Variants in GRIP1 observed in about 807,000 individuals in gnomAD.
GRIP1 encodes glutamate receptor-interacting protein 1.
GRIP1 carries 45 observed loss-of-function variants against 129.9 expected under a neutral mutation model. The observed-to-expected ratio is 0.35, with a 90% confidence interval of 0.27 to 0.44. The LOEUF is 0.44. Among genes scored for constraint, GRIP1 ranks in the 20% least tolerant of loss-of-function variants. The probability of loss-of-function intolerance (pLI) is 1.00; values close to 1 mark genes in which losing one functional copy is unlikely to be tolerated. For missense variants in GRIP1, 1,196 were observed against 1,396.8 expected (o/e 0.86, Z 2.29); for synonymous variants, 530 against 520.8 (o/e 1.02, Z -0.24).
chr12:66,544,077 G>C (rs1436308079), intron 2 of GRIP1, among the ~76,000 whole-genome samples: 1 of 152,090 alleles, frequency 6.6e-6, no homozygotes, highest in Non-Finnish European at 1.5e-5. Context: ...GGTGCTTCCT[G>C]GGCTTCCGGC....
At chr12:66,801,167 C>A (rs2038846757) in intron 1 of GRIP1, among the ~76,000 whole-genome samples, 1 of 151,988 alleles carries the variant, frequency 6.6e-6, no homozygotes, top group African/African-American at 2.4e-5. Context: ...AGGGACAAAG[C>A]CACCTTGTAT....
At chr12:66,468,162 G>A (rs2059338957) in intron 7 of GRIP1, among the ~76,000 whole-genome samples, 1 of 152,150 alleles carries the variant, frequency 6.6e-6, no homozygotes, top group African/African-American at 2.4e-5. Context: ...TCCAGCCAAT[G>A]GGAAGTGAGA....
intron 7 of GRIP1, among the ~76,000 whole-genome samples, chr12:66,493,013 A>ACAAACAAACAAT (rs1315643752): frequency 1.3e-5 from 2 of 151,842 alleles, no homozygotes; most frequent in Non-Finnish European, 2.9e-5. Context: ...CTCAAAACAA[A>ACAAACAAACAAT]CAAACAAACA....
intron 1 of GRIP1, among the ~76,000 whole-genome samples, chr12:66,728,179 C>T (rs1489188525): frequency 6.6e-6 from 1 of 152,174 alleles, no homozygotes; most frequent in African/African-American, 2.4e-5. Context: ...AGCTCATATT[C>T]TACAATCTAT....
intron 1 of GRIP1, among the ~76,000 whole-genome samples, chr12:66,621,333 C>A (rs942129868): frequency 6.6e-6 from 1 of 152,152 alleles, no homozygotes. Flanking sequence ...CTATTCTAGG[C>A]AACTCACATA....
chr12:66,696,199 T>G (rs1222685540), intron 1 of GRIP1, among the ~76,000 whole-genome samples: 1 of 152,072 alleles, frequency 6.6e-6, no homozygotes, highest in South Asian at 2.1e-4. Flanking sequence ...TACTTTCACA[T>G]CTCAAGAATG....
intron 1 of GRIP1, among the ~76,000 whole-genome samples, chr12:66,674,103 C>T (rs1295700499): frequency 6.6e-6 from 1 of 151,974 alleles, no homozygotes; most frequent in African/African-American, 2.4e-5. Flanking sequence ...AGAAGGCCAG[C>T]GAGGGTTAGC....
chr12:66,472,934 T>A (rs2138436024), intron 7 of GRIP1, among the ~76,000 whole-genome samples: 1 of 152,224 alleles, frequency 6.6e-6, no homozygotes, highest in African/African-American at 2.4e-5. Flanking sequence ...ACAGAAGTTT[T>A]TTTTTCATAC....
In GRIP1 at chr12:66,591,243, A is replaced by G. The variant is rs2063837508; in HGVS notation, c.136+5604T>C. ...TTGCAATGCTATCAGTCTTGACTTT[A>G]TAATCATAGAAACTTATCTGTAAAG... On this transcript the variant is annotated intron_variant, in intron 2 of 24. Coordinates refer to ENST00000359742, the MANE Select transcript of GRIP1 (RefSeq NM_001366722.1). 2.0e-5 allele frequency among the ~76,000 whole-genome samples: 3 copies of G among 152,232 alleles called. No individual in the cohort carries two copies. In the South Asian group the frequency reaches 6.2e-4, roughly 31 times the overall value.
In GRIP1 at chr12:66,766,719, A is replaced by G. The variant is rs141277186; in HGVS notation, c.-420+37334T>C. ...GAGCAAAACCTTGACTTAAAGATCA[A>G]CAGTCAGGGCCAAGACTGGCTAATT... On this transcript the variant is annotated intron_variant, in intron 1 of 4. Coordinates refer to the GRIP1 transcript ENST00000538373. Among the ~76,000 whole-genome samples, 319 of 152,320 alleles carry G rather than the reference A, an allele frequency of 2.1e-3. 1 individual carries two copies. The highest frequency in any genetic ancestry group is 7.4e-3 in the African/African-American group (309 of 41,572).
chr12:66,724,592 C>T (rs893810968), intron 1 of GRIP1, among the ~76,000 whole-genome samples: 1 of 152,202 alleles, frequency 6.6e-6, no homozygotes, highest in Non-Finnish European at 1.5e-5. Flanking sequence ...ACTCCAGAGA[C>T]AGTGCTAACA....
At chr12:66,351,907 T>G (rs898646094) in intron 24 of GRIP1, among the ~76,000 whole-genome samples, 1 of 152,160 alleles carries the variant, frequency 6.6e-6, no homozygotes, top group Non-Finnish European at 1.5e-5. Flanking sequence ...TGGGATACAT[T>G]CTCTAGGTGA....
intron 7 of GRIP1, among the ~76,000 whole-genome samples, chr12:66,475,499 T>G (rs1001441838): frequency 6.6e-6 from 1 of 152,048 alleles, no homozygotes; most frequent in African/African-American, 2.4e-5. Context: ...TCTACAGAAC[T>G]CCCCACCCAA....
intron 1 of GRIP1, among the ~76,000 whole-genome samples, chr12:66,728,014 A>G (rs546740219): frequency 2.0e-5 from 3 of 152,214 alleles, no homozygotes; most frequent in Non-Finnish European, 4.4e-5. Context: ...AATGTTAATT[A>G]AAGTTTGTAA....
At chr12:66,849,544 G>C (rs1312524412) in intron 1 of GRIP1, among the ~76,000 whole-genome samples, 1 of 152,052 alleles carries the variant, frequency 6.6e-6, no homozygotes, top group Non-Finnish European at 1.5e-5. Context: ...GAATCCAGGA[G>C]GTCAAGACTT....
intron 14 of GRIP1, among the ~76,000 whole-genome samples, chr12:66,429,132 A>G (rs897325906): frequency 2.6e-5 from 4 of 152,206 alleles, no homozygotes; most frequent in African/African-American, 9.6e-5. Flanking sequence ...CTGTGTCTAA[A>G]ATCAGACAGA....
chr12:67,054,383 T>C (rs773269896), intron 1 of GRIP1, among the ~76,000 whole-genome samples: 1 of 152,162 alleles, frequency 6.6e-6, no homozygotes, highest in Non-Finnish European at 1.5e-5. Context: ...GTGGCTTCCA[T>C]TAACAATAAA....
upstream of GRIP1, among the ~76,000 whole-genome samples, chr12:66,807,185 T>C (rs1175607103): frequency 6.6e-6 from 1 of 152,106 alleles, no homozygotes; most frequent in Non-Finnish European, 1.5e-5. Flanking sequence ...CCTGGGTCCA[T>C]ATTTCTTGAT....
intron 1 of GRIP1, among the ~76,000 whole-genome samples, chr12:66,996,338 C>T (rs142807651): frequency 1.3e-5 from 2 of 150,740 alleles, no homozygotes; most frequent in Non-Finnish European, 1.5e-5. Flanking sequence ...ATTAAAAATG[C>T]GAACTAACAA....
Sources: allele counts gnomAD v4.1 joint callset (sites outside exome capture counted in the v4.1 genomes callset), GRCh38; gene constraint gnomAD v4.1.1; transcripts MANE v1.5; gene names NCBI Gene and HGNC (gene_info 2026-07-23, HGNC 2026-07-21).